ADAMTSL1: variants seen among roughly 807,000 people sequenced by gnomAD.
The protein encoded by ADAMTSL1 is ADAMTS like 1.
Under a neutral mutation model 201.8 loss-of-function variants are expected in ADAMTSL1, and 126 were observed. That is an observed-to-expected ratio of 0.62 (90% CI 0.54 to 0.72). The LOEUF is 0.72. ADAMTSL1 is among the 30% of genes least tolerant of loss of function. The probability of loss-of-function intolerance (pLI) is 0.00; values close to 1 mark genes in which losing one functional copy is unlikely to be tolerated. For synonymous variants in ADAMTSL1, 1,121 were observed against 903.4 expected, an observed-to-expected ratio of 1.24 and a Z score of -4.32; for missense variants, 2,679 against 2,277.8, an observed-to-expected ratio of 1.18 and a Z score of -3.59.
At chr9:18,454,700 A>C (rs1485923229) in intron 2 of ADAMTSL1, among the ~76,000 whole-genome samples, 1 of 152,140 alleles carries the variant, frequency 6.6e-6, no homozygotes, top group African/African-American at 2.4e-5. Flanking sequence ...TTTTTCTACT[A>C]GTTTATATTA....
At chr9:18,504,757 G>A (rs1823028404) in intron 1 of ADAMTSL1, 72 bp from the exon 2 acceptor site, 2 of 1,610,278 alleles carry the variant, frequency 1.2e-6, no homozygotes, top group Non-Finnish European at 1.7e-6. Flanking sequence ...GTACAGGCCA[G>A]TCACATTTTA....
At chr9:18,824,964 G>A (rs1346921652) in intron 21 of ADAMTSL1, among the ~76,000 whole-genome samples, 2 of 152,070 alleles carry the variant, frequency 1.3e-5, no homozygotes, top group African/African-American at 2.4e-5. Flanking sequence ...CCAAAGTGCT[G>A]GGATTACAGG....
intron 2 of ADAMTSL1, among the ~76,000 whole-genome samples, chr9:18,272,809 C>G (rs117106829): frequency 6.6e-6 from 1 of 152,138 alleles, no homozygotes; most frequent in Non-Finnish European, 1.5e-5. Flanking sequence ...CCATCTCCTC[C>G]GTGAAGCCTT....
At chr9:18,212,766 G>T (rs923778938) in intron 2 of ADAMTSL1, among the ~76,000 whole-genome samples, 3 of 152,046 alleles carry the variant, frequency 2.0e-5, no homozygotes, top group African/African-American at 7.2e-5. Context: ...CTAGCTCTAG[G>T]GTGCCTTTTG....
chr9:18,743,360 A>T (rs1346643366), intron 15 of ADAMTSL1, among the ~76,000 whole-genome samples: 1 of 152,198 alleles, frequency 6.6e-6, no homozygotes, highest in East Asian at 1.9e-4. Context: ...GCTAGTAATG[A>T]GATGGTAAAT....
chr9:18,262,870 A>G (rs1316796611), intron 2 of ADAMTSL1, among the ~76,000 whole-genome samples: 2 of 152,240 alleles, frequency 1.3e-5, no homozygotes, highest in Non-Finnish European at 2.9e-5. Flanking sequence ...CAGGATCCAC[A>G]CTGAAAGAAC....
intron 1 of ADAMTSL1, among the ~76,000 whole-genome samples, chr9:18,045,405 G>C (rs937274051): frequency 6.6e-6 from 1 of 152,076 alleles, no homozygotes; most frequent in Admixed American, 6.6e-5. Context: ...TTAACACAAA[G>C]AAAGTGATTT....
At chr9:17,963,240 G>T (rs1202256802) in intron 1 of ADAMTSL1, among the ~76,000 whole-genome samples, 1 of 152,116 alleles carries the variant, frequency 6.6e-6, no homozygotes, top group African/African-American at 2.4e-5. Flanking sequence ...AGCTATCCCT[G>T]AATAAATTCT....
intron 2 of ADAMTSL1, among the ~76,000 whole-genome samples, chr9:18,459,915 G>A (rs1211640398): frequency 3.3e-5 from 5 of 152,146 alleles, no homozygotes; most frequent in Admixed American, 6.5e-5. Flanking sequence ...AAGGAAAGTG[G>A]GAGGAAGGTA....
At chr9:18,441,564 A>C (rs1302631976) in intron 2 of ADAMTSL1, among the ~76,000 whole-genome samples, 2 of 152,194 alleles carry the variant, frequency 1.3e-5, no homozygotes, top group African/African-American at 4.8e-5. Context: ...CTGCCACGGG[A>C]AGGAAAAGAA....
intron 2 of ADAMTSL1, among the ~76,000 whole-genome samples, chr9:18,531,622 A>C (rs11795292): frequency 0.02 from 3,037 of 152,264 alleles, 40 homozygotes; most frequent in Non-Finnish European, 0.031. Context: ...TTGTCAGATG[A>C]CATTTTCCTT....
At chr9:17,923,248 C>T (rs1000704556) in intron 1 of ADAMTSL1, among the ~76,000 whole-genome samples, 4 of 150,240 alleles carry the variant, frequency 2.7e-5, no homozygotes, top group Non-Finnish European at 4.4e-5. Flanking sequence ...GCCATTTTCA[C>T]GATATTGATT....
intron 1 of ADAMTSL1, among the ~76,000 whole-genome samples, chr9:18,490,401 T>C (rs1420100003): frequency 3.3e-5 from 5 of 152,034 alleles, no homozygotes; most frequent in Admixed American, 6.6e-5. Flanking sequence ...AATTGTTGTA[T>C]AGCAATGTCT....
intron 2 of ADAMTSL1, among the ~76,000 whole-genome samples, chr9:18,369,926 T>C (rs1392972044): frequency 4.6e-5 from 7 of 152,176 alleles, no homozygotes; most frequent in Non-Finnish European, 1.0e-4. Context: ...AAATACTAAA[T>C]GTTCTCACTT....
intron 1 of ADAMTSL1, among the ~76,000 whole-genome samples, chr9:18,097,111 A>T (rs1447608328): frequency 6.6e-6 from 1 of 152,132 alleles, no homozygotes; most frequent in Non-Finnish European, 1.5e-5. Context: ...ATTCCAAGCC[A>T]ACGTTGATCC....
chr9:18,082,766 G>A (rs893021592), intron 1 of ADAMTSL1, among the ~76,000 whole-genome samples: 1 of 152,196 alleles, frequency 6.6e-6, no homozygotes, highest in African/African-American at 2.4e-5. Context: ...GAGAAGCTGA[G>A]AAAGGGAAGA....
chr9:18,097,246 A>C lies in ADAMTSL1; in HGVS notation c.88-66616A>C, dbSNP rs114440777. Among the ~76,000 whole-genome samples, 446 of 152,336 alleles carry C rather than the reference A, an allele frequency of 2.9e-3. 6 individuals are homozygous for C. The highest frequency in any genetic ancestry group is 0.01 in the African/African-American group (426 of 41,576). On this transcript the variant is annotated intron_variant, in intron 1 of 29. Transcript: ENST00000680146. Reference sequence around the variant, plus strand: ...GATAACATTTTTGAATGTTGTGTGTATAAATATTGCTGTGTAGCATTCTAT... The same window carrying C: ...GATAACATTTTTGAATGTTGTGTGTCTAAATATTGCTGTGTAGCATTCTAT...
At chr9:17,949,492 G>A (rs1271295929) in intron 1 of ADAMTSL1, among the ~76,000 whole-genome samples, 1 of 152,172 alleles carries the variant, frequency 6.6e-6, no homozygotes, top group Non-Finnish European at 1.5e-5. Context: ...AAGGCCCTAA[G>A]GAGAGGGCTG....
intron 1 of ADAMTSL1, among the ~76,000 whole-genome samples, chr9:18,022,068 T>C (rs956522266): frequency 3.4e-4 from 52 of 152,212 alleles, no homozygotes; most frequent in Non-Finnish European, 3.2e-4. Flanking sequence ...AGTACTCATT[T>C]TTTTCTTGTT....
Sources: gnomAD v4.1 joint callset for allele counts (sites outside exome capture counted in the v4.1 genomes callset) on GRCh38, gnomAD v4.1.1 for gene constraint, MANE v1.5 for transcripts, NCBI Gene and HGNC (gene_info 2026-07-23, HGNC 2026-07-21) for gene names.